RBFOX3: variants seen among roughly 807,000 people sequenced by gnomAD.
The protein encoded by RBFOX3 is RNA binding fox-1 homolog 3, also known as RNA binding protein fox-1 homolog 3.
A neutral mutation model predicts 48.7 loss-of-function variants in RBFOX3; 17 were observed. The observed-to-expected ratio is 0.35, with a 90% confidence interval of 0.24 to 0.52. The LOEUF (loss-of-function observed/expected upper bound fraction) is 0.52. Among genes scored for constraint, RBFOX3 ranks in the 20% least tolerant of loss-of-function variants. The probability of loss-of-function intolerance (pLI) is 0.94; values close to 1 mark genes in which losing one functional copy is unlikely to be tolerated. For missense variants in RBFOX3, 382 were observed against 497.5 expected, an observed-to-expected ratio of 0.77 and a Z score of 2.21; for synonymous variants, 212 against 209.5, an observed-to-expected ratio of 1.01 and a Z score of -0.10.
chr17:79,275,123 C>CCTCTCTCT (rs368963249), intron 3 of RBFOX3, among the ~76,000 whole-genome samples: 69 of 130,654 alleles, frequency 5.3e-4, no homozygotes, highest in Middle Eastern at 7.7e-3. Context: ...TCCATGTCTC[C>CCTCTCTCT]CTCTCTCTCT....
At chr17:79,106,902 TCTCCCCCATCCCTGGGCTGGGATCC>T in intron 5 of RBFOX3, 114 bp from the exon 6 acceptor site, 1 of 1,326,214 alleles carries the variant, frequency 7.5e-7, no homozygotes, top group Non-Finnish European at 9.9e-7. Flanking sequence ...CTTCTGGGCC[TCTCCCCCATCCCTGGGCTGGGATCC>T]TTGGCAGAAT....
Position 79,503,459 on chromosome 17 carries a change from T to G in RBFOX3, c.-319-20861A>C, listed in dbSNP as rs1000117989. Among the ~76,000 whole-genome samples, 64 of 152,352 alleles carry G rather than the reference T, an allele frequency of 4.2e-4. 1 individual carries two copies. The South Asian group carries it at 0.012, about 28-fold the overall frequency. ...TGATATGTGTATTTAACGTAATATA[T>G]TCACACTATTATCATTTTGACATGT... On this transcript the variant is annotated intron_variant, in intron 1 of 14. Coordinates refer to ENST00000693108, the MANE Select transcript of RBFOX3 (RefSeq NM_001350451.2).
At chr17:79,267,467 T>G (rs1046337541) in intron 3 of RBFOX3, among the ~76,000 whole-genome samples, 1 of 152,112 alleles carries the variant, frequency 6.6e-6, no homozygotes, top group Non-Finnish European at 1.5e-5. Context: ...CTCGGCTTAC[T>G]GCAACCTCCA....
chr17:79,439,349 T>C lies in RBFOX3; in HGVS notation c.-175+43105A>G, dbSNP rs540925315. 3.9e-5 allele frequency among the ~76,000 whole-genome samples: 6 copies of C among 152,358 alleles called. No individual in the cohort carries two copies. The South Asian group carries it at 1.2e-3, about 32-fold the overall frequency. ...AGAGCGAAATCGCTCTGTTGTGTCA[T>C]TGATTTTTAATAAAAACAGGTAACG... On this transcript the variant is annotated intron_variant, in intron 2 of 14. Coordinates refer to ENST00000693108, the MANE Select transcript of RBFOX3 (RefSeq NM_001350451.2).
chr17:79,420,128 TACACACACACAC>T (rs58282867), intron 2 of RBFOX3, among the ~76,000 whole-genome samples: 105 of 114,366 alleles, frequency 9.2e-4, no homozygotes, highest in South Asian at 2.1e-3. Context: ...CTCCGTCTCA[TACACACACACAC>T]ACACACACAC....
intron 4 of RBFOX3, among the ~76,000 whole-genome samples, chr17:79,219,062 C>G (rs2147349423): frequency 6.6e-6 from 1 of 152,370 alleles, no homozygotes; most frequent in Admixed American, 6.5e-5. Context: ...GTGGGCCCCA[C>G]AGGCACCTGT....
At chr17:79,206,826 C>T (rs1248342662) in intron 4 of RBFOX3, among the ~76,000 whole-genome samples, 3 of 152,308 alleles carry the variant, frequency 2.0e-5, no homozygotes, top group South Asian at 2.1e-4. Context: ...GTGCCTTCTA[C>T]ACCACTCCTC....
chr17:79,442,237 GAGAGAGAGAGAGA>G (rs1568257923), intron 2 of RBFOX3, among the ~76,000 whole-genome samples: 7 of 7,412 alleles, frequency 9.4e-4, no homozygotes, highest in African/African-American at 1.2e-3. Flanking sequence ...GAGAGAGAGA[GAGAGAGAGAGAGA>G]GAGAGAGAGA....
At chr17:79,244,583 G>C (rs1350477973) in intron 3 of RBFOX3, among the ~76,000 whole-genome samples, 1 of 148,490 alleles carries the variant, frequency 6.7e-6, no homozygotes, top group Non-Finnish European at 1.5e-5. Context: ...TGGGCTTGCT[G>C]GGCCTGGTTC....
chr17:79,485,558 C>T (rs1187570178), intron 1 of RBFOX3, among the ~76,000 whole-genome samples: 1 of 152,186 alleles, frequency 6.6e-6, no homozygotes, highest in Non-Finnish European at 1.5e-5. Flanking sequence ...CTAGATTCCA[C>T]ATCCCCCCAG....
chr17:79,131,189 TGTGTGCTCC>T (rs1295691176), intron 4 of RBFOX3, among the ~76,000 whole-genome samples: 3 of 150,924 alleles, frequency 2.0e-5, no homozygotes, highest in African/African-American at 7.4e-5. Context: ...TGCTGTATGC[TGTGTGCTCC>T]GTGTGTTCTG....
At chr17:79,112,197 C>G (rs967152238) in intron 5 of RBFOX3, among the ~76,000 whole-genome samples, 1 of 152,134 alleles carries the variant, frequency 6.6e-6, no homozygotes, top group Non-Finnish European at 1.5e-5. Context: ...CCGAGGGTAT[C>G]GAGACCACAA....
intron 1 of RBFOX3, chr17:79,508,647 G>A (rs2149815241): frequency 6.6e-6 from 1 of 152,310 alleles, no homozygotes; most frequent in East Asian, 1.9e-4. Flanking sequence ...AGCGTCCTCT[G>A]CCCCAGCAAG....
Position 79,607,495 on chromosome 17 carries a change from T to A in RBFOX3, c.-320+3331A>T, listed in dbSNP as rs1032856545. Among the ~76,000 whole-genome samples, 238 of 152,278 alleles carry A rather than the reference T, an allele frequency of 1.6e-3. 1 individual carries two copies. Among genetic ancestry groups the A allele is most frequent in the African/African-American group, 5.6e-3 (233 of 41,572 alleles). On this transcript the variant is annotated intron_variant, in intron 1 of 14. Transcript: ENST00000693108. The stretch of plus-strand genomic sequence containing the variant: ...CTGTGGCTCTGGCCCACTGACATGT[T>A]TTCCTCTCTTTACTGCCCCCCACCC...
At chr17:79,140,432 C>T (rs2041689954) in intron 4 of RBFOX3, among the ~76,000 whole-genome samples, 1 of 152,256 alleles carries the variant, frequency 6.6e-6, no homozygotes, top group African/African-American at 2.4e-5. Flanking sequence ...CAATCACACA[C>T]CTGTCTCCAG....
chr17:79,450,282 C>T (rs1386389979), intron 2 of RBFOX3, among the ~76,000 whole-genome samples: 1 of 152,214 alleles, frequency 6.6e-6, no homozygotes, highest in African/African-American at 2.4e-5. Flanking sequence ...CAATTCTAAT[C>T]ACTTCCCTTC....
intron 2 of RBFOX3, among the ~76,000 whole-genome samples, chr17:79,349,303 C>A (rs546149778): frequency 6.6e-6 from 1 of 152,196 alleles, no homozygotes; most frequent in South Asian, 2.1e-4. Context: ...TCCCACCTCT[C>A]ACCACTCGCA....
chr17:79,532,393 T>C (rs2150094048), intron 1 of RBFOX3, among the ~76,000 whole-genome samples: 1 of 152,260 alleles, frequency 6.6e-6, no homozygotes, highest in South Asian at 2.1e-4. Context: ...GAGAGAAGCC[T>C]CTGGATTGGG....
At chr17:79,503,995 G>A (rs1201082437) in intron 1 of RBFOX3, among the ~76,000 whole-genome samples, 2 of 67,970 alleles carry the variant, frequency 2.9e-5, no homozygotes, top group African/African-American at 8.7e-5. Flanking sequence ...GGGTGGGCGG[G>A]GTGGCAGGGT....
Sources: gnomAD v4.1 joint callset for allele counts (sites outside exome capture counted in the v4.1 genomes callset) on GRCh38, gnomAD v4.1.1 for gene constraint, MANE v1.5 for transcripts, NCBI Gene and HGNC (gene_info 2026-07-23, HGNC 2026-07-21) for gene names.